CCK: variants seen among roughly 807,000 people sequenced by gnomAD.
CCK encodes the protein cholecystokinin, also known as cholecystokinin triacontatriapeptide.
In CCK, 11 loss-of-function variants were observed where a neutral mutation model predicts 10.1. The ratio of observed to expected loss-of-function variants is 1.09; its 90% confidence interval spans 0.69 to 1.81. CCK has a LOEUF of 1.81. Ranked by LOEUF, CCK falls within the 40% of genes most tolerant of loss-of-function variation. The probability of loss-of-function intolerance (pLI) is 0.00; values close to 1 mark genes in which losing one functional copy is unlikely to be tolerated. For synonymous variants in CCK, 83 were observed against 71.9 expected, an observed-to-expected ratio of 1.15 and a Z score of -0.78; for missense variants, 137 against 159.9, an observed-to-expected ratio of 0.86 and a Z score of 0.77.
intron 4 of CCK, 90 bp downstream of exon 4, chr3:42,263,327 T>C: frequency 3.8e-6 from 6 of 1,591,076 alleles, no homozygotes; most frequent in Non-Finnish European, 5.2e-6. Context: ...AGAGAGGTCA[T>C]CCCCATCAGG....
intron 3 of CCK, 142 bp from the exon 4 acceptor site, chr3:42,263,774 C>T: frequency 7.2e-7 from 1 of 1,380,012 alleles, no homozygotes; most frequent in Non-Finnish European, 9.5e-7. Context: ...CGAGGGCTCG[C>T]CAAGCGCTGA....
intron 4 of CCK, among the ~76,000 whole-genome samples, chr3:42,260,013 G>T (rs1296962867): frequency 6.6e-6 from 1 of 152,164 alleles, no homozygotes; most frequent in Non-Finnish European, 1.5e-5. Flanking sequence ...GCTGAGTAGA[G>T]TCAGACTATG....
At chr3:42,258,856 T>C (rs1256328718) in intron 4 of CCK, among the ~76,000 whole-genome samples, 1 of 152,196 alleles carries the variant, frequency 6.6e-6, no homozygotes, top group African/African-American at 2.4e-5. Flanking sequence ...TTACTGGGTA[T>C]ATACCCAAAG....
chr3:42,258,099 T>C lies in CCK; in HGVS notation c.347A>G (p.Ter116TrpextTer27), dbSNP rs1711160275. 6.2e-7 allele frequency: 1 copy of C among 1,611,934 alleles called. No homozygotes were observed. Among genetic ancestry groups the C allele is most frequent in the Non-Finnish European group, 8.5e-7 (1 of 1,179,374 alleles). ...TTGGGCTGATGGCGGCTGGGTCCTC[T>C]AGGAGGGGTACTCATACTCCTCGGC... Reference protein sequence around the residue: ...RSAEEYEYPS* With the variant: ...RSAEEYEYPSW The change falls in exon 5 of 5, where the codon TAG becomes TGG. Residue 116 changes from the stop codon to tryptophan, a stop_lost. Transcript: ENST00000396169.
At chr3:42,259,309 C>A (rs1459309434) in intron 4 of CCK, among the ~76,000 whole-genome samples, 1 of 151,942 alleles carries the variant, frequency 6.6e-6, no homozygotes, top group Non-Finnish European at 1.5e-5. Flanking sequence ...ATGTAACAAA[C>A]CTGCATGTTC....
rs557104840 is a variant in CCK, at chr3:42,263,846, C to T, written c.-2-214G>A. 439 of 643,808 alleles carry T rather than the reference C, an allele frequency of 6.8e-4. 2 individuals carry two copies. The African/African-American group carries it at 7.7e-3, about 11-fold the overall frequency. The allele number at this position is 643,808 out of a possible 1,614,324, so 39.9% of individuals were successfully genotyped here. ...ACCTGGCTGGTCTTTGGGAACTCCT[C>T]ACCCAGCGCCAAGGGGCAGAGACCC... On this transcript the variant is annotated intron_variant, in intron 3 of 4. Coordinates refer to ENST00000396169, the MANE Select transcript of CCK (RefSeq NM_000729.6).
intron 4 of CCK, among the ~76,000 whole-genome samples, chr3:42,259,542 A>G (rs1351933424): frequency 6.6e-6 from 1 of 152,160 alleles, no homozygotes; most frequent in Admixed American, 6.6e-5. Flanking sequence ...AAATCTTGGC[A>G]CCTCAGTAAG....
At chr3:42,258,305 G>A in intron 4 of CCK, 74 bp from the exon 5 acceptor site, 3 of 1,533,836 alleles carry the variant, frequency 2.0e-6, no homozygotes, top group South Asian at 1.2e-5. Context: ...GGGAAGGAGA[G>A]CAATGGAAAA....
At chr3:42,262,690 A>G (rs923899564) in intron 4 of CCK, among the ~76,000 whole-genome samples, 1 of 152,186 alleles carries the variant, frequency 6.6e-6, no homozygotes, top group Non-Finnish European at 1.5e-5. Context: ...TCTGAATCAC[A>G]CAAAGAATTG....
intron 3 of CCK, 147 bp from the exon 4 acceptor site, chr3:42,263,779 C>A: frequency 4.4e-6 from 6 of 1,361,852 alleles, no homozygotes; most frequent in African/African-American, 1.5e-5. Context: ...GCTCGCCAAG[C>A]GCTGACCCCA....
At position 42,257,911 on chromosome 3, in the gene CCK, A is replaced by G. The variant is rs1428738648; in HGVS notation, c.*187T>C. 1.8e-6 allele frequency: 1 copy of G among 569,270 alleles called. No individual in the cohort carries two copies. The highest frequency in any genetic ancestry group is 3.6e-5 in the Admixed American group (1 of 27,944). The allele number at this position is 569,270 out of a possible 1,614,324, so 35.3% of individuals were successfully genotyped here. A position where few individuals can be genotyped will look rare whatever the true frequency, so the allele number is the denominator to read the frequency against. On this transcript the variant is annotated 3_prime_UTR_variant, in exon 5 of 5. Transcript: ENST00000396169. ...AAACATTTTGTCTTCCATTTGCACA[A>G]TTCTGGTGAGGTGTGTGGTTGCACT...
Position 42,263,456 on chromosome 3 carries a change from C to A in CCK, c.175G>T (p.Gly59Cys), listed in dbSNP as rs747698254. The A allele has an allele frequency of 6.2e-7, 1 of 1,614,148 alleles. No individual in the cohort carries two copies. ...TGGATGTATCTTGCCAGCAGGGCGC[C>A]CAGGTGCGCTCGGGACTCGCCATCC... is the stretch of plus-strand genomic sequence containing the variant. ...RTDGESRAHL[G>C]ALLARYIQQA... is the part of the protein sequence containing the mutation. Residue 59 changes from glycine (G) to cysteine (C), a missense_variant, in exon 4 of 5, where the codon GGC (glycine) becomes TGC (cysteine). Gly to Cys is a radical substitution (Grantham distance 159). Coordinates refer to ENST00000396169, the MANE Select transcript of CCK (RefSeq NM_000729.6).
chr3:42,259,901 C>A (rs986690038), intron 4 of CCK, among the ~76,000 whole-genome samples: 1 of 152,168 alleles, frequency 6.6e-6, no homozygotes. Context: ...GAGGACCACT[C>A]AATGACTCCC....
intron 4 of CCK, among the ~76,000 whole-genome samples, chr3:42,259,048 T>C (rs1468427452): frequency 6.6e-6 from 1 of 152,198 alleles, no homozygotes; most frequent in African/African-American, 2.4e-5. Context: ...TCATGTCCTT[T>C]GCAGGGACAT....
chr3:42,263,170 T>G, intron 4 of CCK: 2 of 613,090 alleles, frequency 3.3e-6, no homozygotes, highest in Non-Finnish European at 2.9e-6. Flanking sequence ...GGTAAAATGG[T>G]GTTGAACTTA....
At chr3:42,261,148 T>C (rs1206027846) in intron 4 of CCK, among the ~76,000 whole-genome samples, 2 of 152,220 alleles carry the variant, frequency 1.3e-5, no homozygotes, top group Non-Finnish European at 2.9e-5. Flanking sequence ...TTGTTTCTTC[T>C]TGGGCCATTG....
chr3:42,261,699 T>A (rs984173659), intron 4 of CCK, among the ~76,000 whole-genome samples: 1 of 151,670 alleles, frequency 6.6e-6, no homozygotes, highest in East Asian at 1.9e-4. Flanking sequence ...ATCCTCAGCC[T>A]ACATAGAAGA....
At chr3:42,262,709 T>A (rs1244960083) in intron 4 of CCK, among the ~76,000 whole-genome samples, 2 of 152,006 alleles carry the variant, frequency 1.3e-5, no homozygotes, top group African/African-American at 4.8e-5. Flanking sequence ...TGGAAGGAGC[T>A]TAGGGGAAAG....
Position 42,259,679 on chromosome 3 carries a change from A to T in CCK, c.215-1448T>A, listed in dbSNP as rs566972199. 1.2e-4 allele frequency among the ~76,000 whole-genome samples: 18 copies of T among 152,276 alleles called. No individual in the cohort carries two copies. The South Asian group carries it at 3.1e-3, about 26-fold the overall frequency. On this transcript the variant is annotated intron_variant, in intron 4 of 4. Coordinates refer to ENST00000396169, the MANE Select transcript of CCK (RefSeq NM_000729.6). ...AAGTTAAGTCTTCAGGAACAGTGTGATCCTTTTGTAGAGCTCACACTGAGT... is the reference window on the plus strand; with the variant it reads ...AAGTTAAGTCTTCAGGAACAGTGTGTTCCTTTTGTAGAGCTCACACTGAGT...
Sources: gnomAD v4.1 joint callset for allele counts (sites outside exome capture counted in the v4.1 genomes callset) on GRCh38, gnomAD v4.1.1 for gene constraint, MANE v1.5 for transcripts, NCBI Gene and HGNC (gene_info 2026-07-23, HGNC 2026-07-21) for gene names.